AGBL4: variants seen among roughly 807,000 people sequenced by gnomAD.
The protein encoded by AGBL4 is cytosolic carboxypeptidase 6.
A neutral mutation model predicts 66.4 loss-of-function variants in AGBL4; 58 were observed. The observed-to-expected ratio is 0.87, with a 90% confidence interval of 0.71 to 1.09. The LOEUF (loss-of-function observed/expected upper bound fraction) is 1.09. AGBL4 is among the 50% of genes least tolerant of loss of function. AGBL4 has a pLI of 0.00. For synonymous variants in AGBL4, 234 were observed against 222.9 expected (o/e 1.05, Z -0.44); for missense variants, 579 against 631.0 (o/e 0.92, Z 0.88).
intron 4 of AGBL4, among the ~76,000 whole-genome samples, chr1:49,234,837 C>G (rs911571794): frequency 8.5e-5 from 13 of 152,252 alleles, no homozygotes; most frequent in East Asian, 1.9e-4. Context: ...GTAATGGAAA[C>G]AGCATAGCTA....
At chr1:49,453,575 A>G (rs1023040921) in intron 3 of AGBL4, among the ~76,000 whole-genome samples, 1 of 151,806 alleles carries the variant, frequency 6.6e-6, no homozygotes, top group Non-Finnish European at 1.5e-5. Flanking sequence ...AATAAAGTTA[A>G]TGATATGTTG....
intron 5 of AGBL4, among the ~76,000 whole-genome samples, chr1:48,925,293 GCACATAACC>G (rs1280741655): frequency 6.6e-6 from 1 of 151,918 alleles, no homozygotes; most frequent in Non-Finnish European, 1.5e-5. Flanking sequence ...ATAGTATTTT[GCACATAACC>G]CATGCATATA....
chr1:49,928,263 A>C (rs2148257018), intron 1 of AGBL4, among the ~76,000 whole-genome samples: 1 of 151,882 alleles, frequency 6.6e-6, no homozygotes, highest in Non-Finnish European at 1.5e-5. Flanking sequence ...TTTTATTTTT[A>C]TTTTTTGAGA....
chr1:48,663,869 A>G (rs907999582), intron 6 of AGBL4, among the ~76,000 whole-genome samples: 2 of 152,180 alleles, frequency 1.3e-5, no homozygotes, highest in Admixed American at 1.3e-4. Context: ...CATGGAGGTT[A>G]TATAACTTGT....
chr1:49,892,488 G>C (rs756061813), intron 1 of AGBL4, among the ~76,000 whole-genome samples: 1 of 152,008 alleles, frequency 6.6e-6, no homozygotes, highest in Admixed American at 6.6e-5. Context: ...TTTTTACCTA[G>C]TATGTACTTC....
intron 6 of AGBL4, among the ~76,000 whole-genome samples, chr1:48,833,365 G>C (rs1186399224): frequency 1.3e-5 from 2 of 152,182 alleles, no homozygotes; most frequent in Non-Finnish European, 2.9e-5. Flanking sequence ...TTTTGTGAAA[G>C]GTAGAACTTG....
chr1:49,774,756 A>T (rs1377897588), intron 2 of AGBL4, among the ~76,000 whole-genome samples: 1 of 152,204 alleles, frequency 6.6e-6, no homozygotes, highest in Non-Finnish European at 1.5e-5. Context: ...TCCAGTATAA[A>T]GGTATGAAGA....
chr1:49,021,098 G>A (rs1265901272), intron 5 of AGBL4, among the ~76,000 whole-genome samples: 5 of 152,142 alleles, frequency 3.3e-5, no homozygotes, highest in African/African-American at 9.7e-5. Flanking sequence ...GGTTCCTACA[G>A]CAACACAGAG....
At chr1:48,591,067 ACACCCCCCACACACACCCACCCACCC>A in intron 9 of AGBL4, 82 bp from the exon 10 acceptor site, 1 of 1,086,922 alleles carries the variant, frequency 9.2e-7, no homozygotes, top group Middle Eastern at 2.7e-4. Context: ...CTACACACAC[ACACCCCCCACACACACCCACCCACCC>A]CCCCCCACAC....
chr1:49,533,592 T>G (rs1321232602), intron 3 of AGBL4, among the ~76,000 whole-genome samples: 1 of 152,122 alleles, frequency 6.6e-6, no homozygotes, highest in Non-Finnish European at 1.5e-5. Flanking sequence ...GCCAAGGTTT[T>G]CTTAGTGCAA....
In AGBL4 at chr1:48,916,541, G is replaced by A. The variant is rs564377691; in HGVS notation, c.595-49311C>T. On this transcript the variant is annotated intron_variant, in intron 5 of 13. Coordinates refer to ENST00000371839, the MANE Select transcript of AGBL4 (RefSeq NM_032785.4). ...TTTCCTGTAGTTCCGTTTTTTGTGT[G>A]TGTGTGACACACACACACACACACA... is the stretch of plus-strand genomic sequence containing the variant. Among the ~76,000 whole-genome samples the A allele has an allele frequency of 1.4e-3, 211 of 150,678 alleles. 1 individual carries two copies. The highest frequency in any genetic ancestry group is 4.8e-3 in the African/African-American group (198 of 41,134).
intron 1 of AGBL4, among the ~76,000 whole-genome samples, chr1:50,000,321 G>A (rs1660654829): frequency 6.6e-6 from 1 of 152,168 alleles, no homozygotes; most frequent in South Asian, 2.1e-4. Context: ...ATGGAAAAAT[G>A]TTCAGTGTCA....
At chr1:48,937,789 C>G (rs1655604981) in intron 5 of AGBL4, among the ~76,000 whole-genome samples, 1 of 152,146 alleles carries the variant, frequency 6.6e-6, no homozygotes, top group Non-Finnish European at 1.5e-5. Flanking sequence ...AAATTTTAAC[C>G]ATGTCTCTGG....
intron 3 of AGBL4, among the ~76,000 whole-genome samples, chr1:49,574,016 A>C (rs1190491569): frequency 3.9e-5 from 6 of 152,128 alleles, no homozygotes; most frequent in Non-Finnish European, 7.3e-5. Flanking sequence ...GCCTCCCCTG[A>C]GGCAGTTGCT....
intron 3 of AGBL4, among the ~76,000 whole-genome samples, chr1:49,408,940 C>T (rs1291707011): frequency 6.6e-6 from 1 of 152,184 alleles, no homozygotes; most frequent in Non-Finnish European, 1.5e-5. Flanking sequence ...CTAGAGAACA[C>T]TGACTAATAC....
intron 5 of AGBL4, among the ~76,000 whole-genome samples, chr1:48,904,579 A>G (rs1652404859): frequency 6.6e-6 from 1 of 152,126 alleles, no homozygotes; most frequent in Non-Finnish European, 1.5e-5. Context: ...GAGCTCAACA[A>G]ATTCTTGGTT....
chr1:49,146,130 G>A (rs1569819998), intron 4 of AGBL4, among the ~76,000 whole-genome samples: 1 of 152,082 alleles, frequency 6.6e-6, no homozygotes, highest in East Asian at 1.9e-4. Context: ...TGGTTAGGGA[G>A]GAAGTAGGGA....
chr1:48,789,568 C>T (rs1006038267), intron 6 of AGBL4, among the ~76,000 whole-genome samples: 2 of 152,128 alleles, frequency 1.3e-5, no homozygotes, highest in Non-Finnish European at 2.9e-5. Context: ...GGATTACAGG[C>T]ATGAGCCACA....
At chr1:48,993,586 T>C (rs1383403368) in intron 5 of AGBL4, among the ~76,000 whole-genome samples, 1 of 152,166 alleles carries the variant, frequency 6.6e-6, no homozygotes, top group Non-Finnish European at 1.5e-5. Flanking sequence ...GTAACAGTCC[T>C]TGTGATCCAG....
Sources: gnomAD v4.1 joint callset for allele counts (sites outside exome capture counted in the v4.1 genomes callset) on GRCh38, gnomAD v4.1.1 for gene constraint, MANE v1.5 for transcripts, NCBI Gene and HGNC (gene_info 2026-07-23, HGNC 2026-07-21) for gene names.